The following TANC2 variants were observed in gnomAD, a reference collection of about 807,000 sequenced individuals.
The protein encoded by TANC2 is protein TANC2.
Under a neutral mutation model 210.5 loss-of-function variants are expected in TANC2, and 26 were observed. The ratio of observed to expected loss-of-function variants is 0.12; its 90% CI spans 0.09 to 0.17. The LOEUF (loss-of-function observed/expected upper bound fraction) is 0.17. Among genes scored for constraint, TANC2 ranks in the 10% least tolerant of loss-of-function variants. The pLI, the probability that TANC2 is intolerant of heterozygous loss-of-function variation, is 1.00. For synonymous variants in TANC2, 931 were observed against 967.1 expected (o/e 0.96, Z 0.69); for missense variants, 2,129 against 2,608.9 (o/e 0.82, Z 4.01).
At chr17:63,034,819 T>C (rs1208188611) in intron 2 of TANC2, among the ~76,000 whole-genome samples, 1 of 152,132 alleles carries the variant, frequency 6.6e-6, no homozygotes, top group East Asian at 1.9e-4. Flanking sequence ...ATGATAAAAC[T>C]TGAATGGATG....
chr17:63,055,990 A>AAATATATATATATAT (rs2035784593), intron 2 of TANC2, among the ~76,000 whole-genome samples: 1 of 10,102 alleles, frequency 9.9e-5, no homozygotes, highest in African/African-American at 2.5e-4. Context: ...AAAAAAAAAA[A>AAATATATATATATAT]ATATATATAT....
At chr17:63,186,840 G>A (rs1164799950) in intron 5 of TANC2, among the ~76,000 whole-genome samples, 5 of 152,200 alleles carry the variant, frequency 3.3e-5, no homozygotes, top group East Asian at 1.9e-4. Context: ...GTTTTAATCA[G>A]CATAATGCAT....
chr17:63,067,517 A>G (rs559007817), intron 2 of TANC2, among the ~76,000 whole-genome samples: 52 of 152,010 alleles, frequency 3.4e-4, no homozygotes, highest in African/African-American at 1.2e-3. Flanking sequence ...ATAAATTCCC[A>G]ATGGGAAAAA....
intron 14 of TANC2, among the ~76,000 whole-genome samples, chr17:63,361,995 G>A (rs746489067): frequency 2.0e-5 from 3 of 152,128 alleles, no homozygotes; most frequent in Non-Finnish European, 2.9e-5. Context: ...GAGGAGACCT[G>A]GAATGGGTAG....
rs145832640 is a variant in TANC2 at position 63,329,817 on chromosome 17, A to G, written c.1576-10284A>G. On this transcript the variant is annotated intron_variant, in intron 11 of 27. Coordinates refer to ENST00000689528, the Ensembl canonical transcript of TANC2. The stretch of plus-strand genomic sequence containing the variant: ...GAGACACAATATTGAAATTAGGCCA[A>G]TGAATAACATCATAATGGCCTCCAA... Among the ~76,000 whole-genome samples the G allele has an allele frequency of 3.4e-3, 515 of 152,286 alleles. 3 individuals are homozygous for G. Among genetic ancestry groups the G allele is most frequent in the African/African-American group, 9.2e-3 (384 of 41,566 alleles).
intron 3 of TANC2, among the ~76,000 whole-genome samples, chr17:63,076,914 T>A (rs1012806224): frequency 2.0e-5 from 3 of 152,070 alleles, no homozygotes; most frequent in Non-Finnish European, 2.9e-5. Flanking sequence ...ACAGGATCAG[T>A]CCAGGAATTT....
intron 11 of TANC2, chr17:63,320,241 C>T (rs1357547258): frequency 2.6e-5 from 4 of 152,180 alleles, no homozygotes; most frequent in African/African-American, 9.7e-5. Context: ...TAAGTCATTT[C>T]ATAACCCTTA....
rs187552341 is a variant in TANC2 at position 63,417,157 on chromosome 17, C to T, written c.4168-1150C>T. 3.7e-3 allele frequency among the ~76,000 whole-genome samples: 557 copies of T among 152,288 alleles called. 3 individuals carry two copies. Among genetic ancestry groups the T allele is most frequent in the Middle Eastern group, 6.8e-3 (2 of 294 alleles). Reference sequence around the variant, plus strand: ...GTTCAGAAGCGGTTGTTAATCACCTCCTGGGCCAATACTGTGCCAAACACC... The same window carrying T: ...GTTCAGAAGCGGTTGTTAATCACCTTCTGGGCCAATACTGTGCCAAACACC... On this transcript the variant is annotated intron_variant, in intron 26 of 27. Coordinates refer to ENST00000689528, the Ensembl canonical transcript of TANC2.
At position 63,164,970 on chromosome 17, in the gene TANC2, A is replaced by G. The variant is rs535295827; in HGVS notation, c.433+13590A>G. ...CTCTCTTAGCCCAGTCAGGTTGACAAATAAAATTAACCATCAGAATGCACT... is the reference window on the plus strand; with the variant it reads ...CTCTCTTAGCCCAGTCAGGTTGACAGATAAAATTAACCATCAGAATGCACT... On this transcript the variant is annotated intron_variant, in intron 5 of 27. Transcript: ENST00000689528. Among the ~76,000 whole-genome samples the G allele has an allele frequency of 1.5e-3, 226 of 152,270 alleles. 1 individual carries two copies. The highest frequency in any genetic ancestry group is 3.7e-4 in the Non-Finnish European group (25 of 68,006).
intron 1 of TANC2, among the ~76,000 whole-genome samples, chr17:62,990,910 G>A (rs2032827139): frequency 6.6e-6 from 1 of 152,170 alleles, no homozygotes; most frequent in Non-Finnish European, 1.5e-5. Context: ...GTGATGCAAA[G>A]AAATGAGGTC....
intron 4 of TANC2, among the ~76,000 whole-genome samples, chr17:63,146,776 T>C (rs2039475517): frequency 2.0e-5 from 3 of 152,172 alleles, no homozygotes; most frequent in Admixed American, 1.3e-4. Context: ...CATTCCAGCA[T>C]ACAGAGGAAC....
intron 7 of TANC2, among the ~76,000 whole-genome samples, chr17:63,201,519 T>C (rs1464633256): frequency 6.6e-6 from 1 of 152,114 alleles, no homozygotes. Flanking sequence ...CTTATACGAA[T>C]ACATTTTTAT....
At chr17:63,328,658 GTTGTTGATCACAGGTGATCAACAAC>G (rs370215139) in intron 11 of TANC2, among the ~76,000 whole-genome samples, 133 of 150,720 alleles carry the variant, frequency 8.8e-4, no homozygotes, top group African/African-American at 3.2e-3. Flanking sequence ...AATGGGAGAA[GTTGTTGATCACAGGTGATCAACAAC>G]TTCTCCCTTG....
chr17:63,269,897 T>G (rs972992828), intron 9 of TANC2, among the ~76,000 whole-genome samples: 7 of 152,196 alleles, frequency 4.6e-5, no homozygotes, highest in Admixed American at 4.6e-4. Context: ...GACTGAATAT[T>G]GAATTTCTAA....
At chr17:63,017,917 G>A (rs2034177679) in intron 2 of TANC2, among the ~76,000 whole-genome samples, 1 of 152,086 alleles carries the variant, frequency 6.6e-6, no homozygotes, top group Admixed American at 6.5e-5. Flanking sequence ...CAGGGCAAGA[G>A]GATCTCTTGT....
At chr17:62,990,810 TGTTGGTGGGTAGTTGACAGA>T (rs1020623608) in intron 1 of TANC2, among the ~76,000 whole-genome samples, 70 of 152,226 alleles carry the variant, frequency 4.6e-4, no homozygotes, top group African/African-American at 1.6e-3. Context: ...TCTGTAGGTT[TGTTGGTGGGTAGTTGACAGA>T]GTTCTTTCTG....
At chr17:63,135,387 A>C (rs935931499) in intron 4 of TANC2, among the ~76,000 whole-genome samples, 3 of 152,224 alleles carry the variant, frequency 2.0e-5, no homozygotes, top group African/African-American at 7.2e-5. Context: ...TCAACAAAGA[A>C]AGACAGTGCT....
intron 9 of TANC2, among the ~76,000 whole-genome samples, chr17:63,279,210 A>G (rs2043986743): frequency 6.6e-6 from 1 of 152,130 alleles, no homozygotes; most frequent in African/African-American, 2.4e-5. Flanking sequence ...TGATTGAGAA[A>G]TGTGTAAAGT....
chr17:63,314,857 C>A (rs987974977), intron 10 of TANC2, among the ~76,000 whole-genome samples, 188 bp downstream of exon 10: 5 of 152,182 alleles, frequency 3.3e-5, no homozygotes, highest in African/African-American at 9.7e-5. Context: ...ACCCAGTAGT[C>A]ACCTAAGCGT....
Sources: allele counts gnomAD v4.1 joint callset (sites outside exome capture counted in the v4.1 genomes callset), GRCh38; gene constraint gnomAD v4.1.1; transcripts MANE v1.5; gene names NCBI Gene and HGNC (gene_info 2026-07-23, HGNC 2026-07-21).